Variants in RWDD3 observed in about 807,000 individuals in gnomAD.
RWDD3 encodes RWD domain containing 3, also known as RWD domain-containing protein 3.
In RWDD3, 30 loss-of-function variants were observed where a neutral mutation model predicts 26.5. That is an observed-to-expected ratio of 1.13 (90% CI 0.85 to 1.54). The LOEUF (loss-of-function observed/expected upper bound fraction) is 1.54, where lower values mean the gene tolerates loss of function less well. Among genes scored for constraint, RWDD3 ranks in the 40% most tolerant of loss-of-function variants. The pLI is 0.00. For missense variants in RWDD3, 296 were observed against 309.1 expected, an observed-to-expected ratio of 0.96 and a Z score of 0.32; for synonymous variants, 113 against 114.5, an observed-to-expected ratio of 0.99 and a Z score of 0.09.
chr1:95,234,811 A>G (rs1029362377), intron 1 of RWDD3, among the ~76,000 whole-genome samples: 4 of 151,974 alleles, frequency 2.6e-5, no homozygotes, highest in Non-Finnish European at 5.9e-5. Context: ...GTAGTAGGTA[A>G]ATGTTTGTTG....
Position 95,246,612 on chromosome 1 carries a change from T to C in RWDD3, c.644T>C (p.Met215Thr). The C allele has an allele frequency of 6.2e-7, 1 of 1,612,628 alleles. No homozygotes were observed. The highest frequency in any genetic ancestry group is 2.2e-5 in the East Asian group (1 of 44,744). Residue 215 changes from methionine (M) to threonine (T), a missense_variant, in exon 3 of 4, where the codon ATG (methionine) becomes ACG (threonine). Coordinates refer to ENST00000370202, the MANE Select transcript of RWDD3 (RefSeq NM_015485.5). ...AGTGGAAAGAAATGCAAAGAGAAAATGATTAGTGTACTGTTTGAAACAAAA... is the reference window on the plus strand; with the variant it reads ...AGTGGAAAGAAATGCAAAGAGAAAACGATTAGTGTACTGTTTGAAACAAAA... The part of the protein sequence containing the change: ...DSSGKKCKEK[M>T]ISVLFETKVQ...
chr1:95,234,429 C>G, intron 1 of RWDD3, 114 bp downstream of exon 1: 1 of 959,228 alleles, frequency 1.0e-6, no homozygotes. Context: ...CGTATGGGGA[C>G]CGGGTTAGTT....
At chr1:95,245,368 CTG>C (rs1295511298) in intron 2 of RWDD3, among the ~76,000 whole-genome samples, 1 of 152,092 alleles carries the variant, frequency 6.6e-6, no homozygotes, top group African/African-American at 2.4e-5. Flanking sequence ...ATGAGGAAAA[CTG>C]TTTTTTATAT....
At chr1:95,237,707 GGTGCCAGA>G in intron 1 of RWDD3, among the ~76,000 whole-genome samples, 1 of 152,274 alleles carries the variant, frequency 6.6e-6, no homozygotes, top group Non-Finnish European at 1.5e-5. Flanking sequence ...AGTCAGTCCA[GGTGCCAGA>G]TTTGATGGGG....
chr1:95,236,332 GAA>G (rs34943862), intron 1 of RWDD3, among the ~76,000 whole-genome samples: 3 of 142,072 alleles, frequency 2.1e-5, no homozygotes, highest in African/African-American at 7.9e-5. Context: ...CTCTGTCTCA[GAA>G]AAAAAAAAAA....
At chr1:95,236,896 A>G (rs2101096808) in intron 1 of RWDD3, among the ~76,000 whole-genome samples, 1 of 152,342 alleles carries the variant, frequency 6.6e-6, no homozygotes, top group East Asian at 1.9e-4. Context: ...GAGAAAACCC[A>G]AAAATGTAAG....
intron 2 of RWDD3, among the ~76,000 whole-genome samples, chr1:95,245,465 A>G (rs1482510004): frequency 6.6e-6 from 1 of 152,224 alleles, no homozygotes; most frequent in Non-Finnish European, 1.5e-5. Flanking sequence ...GAATTTATTT[A>G]AGACAAATTT....
chr1:95,239,155 G>A (rs1680497677), intron 1 of RWDD3, among the ~76,000 whole-genome samples: 1 of 152,154 alleles, frequency 6.6e-6, no homozygotes, highest in Middle Eastern at 3.2e-3. Context: ...TGTTGAGAAT[G>A]ATCAGTTTGT....
At chr1:95,235,765 C>A (rs978091881) in intron 1 of RWDD3, among the ~76,000 whole-genome samples, 1 of 151,930 alleles carries the variant, frequency 6.6e-6, no homozygotes, top group African/African-American at 2.4e-5. Flanking sequence ...TCAGAGACAC[C>A]GCTACCCATG....
intron 1 of RWDD3, among the ~76,000 whole-genome samples, chr1:95,234,769 T>A (rs903337453): frequency 6.0e-4 from 91 of 151,924 alleles, no homozygotes; most frequent in African/African-American, 1.9e-3. Flanking sequence ...GAGGGCAGGG[T>A]CTGTTTGGTA....
At chr1:95,239,192 G>C (rs1557719675) in intron 1 of RWDD3, among the ~76,000 whole-genome samples, 1 of 152,124 alleles carries the variant, frequency 6.6e-6, no homozygotes, top group Non-Finnish European at 1.5e-5. Flanking sequence ...CTAAGGTTCT[G>C]GGGGGCTAAG....
chr1:95,235,610 G>A (rs1018601552), intron 1 of RWDD3, among the ~76,000 whole-genome samples: 3 of 151,750 alleles, frequency 2.0e-5, no homozygotes, highest in South Asian at 4.2e-4. Flanking sequence ...CGCGCGTCTC[G>A]GCCTCCCAAG....
chr1:95,244,156 G>A (rs1680746875), intron 1 of RWDD3, 55 bp from the exon 2 acceptor site: 2 of 1,556,864 alleles, frequency 1.3e-6, no homozygotes, highest in Non-Finnish European at 1.7e-6. Flanking sequence ...ACTTGCTGGT[G>A]TTCCATTCAA....
intron 1 of RWDD3, among the ~76,000 whole-genome samples, chr1:95,239,376 TG>T (rs1401164435): frequency 2.6e-5 from 4 of 152,330 alleles, no homozygotes; most frequent in Admixed American, 6.5e-5. Flanking sequence ...TGAAAAATTC[TG>T]AGGCAGAAAG....
intron 2 of RWDD3, chr1:95,246,069 T>G (rs924912263): frequency 1.3e-5 from 2 of 152,500 alleles, no homozygotes; most frequent in Non-Finnish European, 2.9e-5. Context: ...TGGTAAGTGC[T>G]GTGTGCCTGG....
At chr1:95,239,445 C>T (rs1022801419) in intron 1 of RWDD3, among the ~76,000 whole-genome samples, 1 of 152,162 alleles carries the variant, frequency 6.6e-6, no homozygotes, top group Non-Finnish European at 1.5e-5. Flanking sequence ...GAGTACAATA[C>T]ATACTTCTAG....
chr1:95,244,850 T>A, intron 2 of RWDD3, 152 bp downstream of exon 2: 1 of 885,662 alleles, frequency 1.1e-6, no homozygotes, highest in Non-Finnish European at 1.6e-6. Flanking sequence ...CTTTTCTTTT[T>A]AAAGAATGTC....
intron 1 of RWDD3, among the ~76,000 whole-genome samples, chr1:95,240,498 A>C (rs1680569304): frequency 6.6e-6 from 1 of 152,126 alleles, no homozygotes. Flanking sequence ...AACTGGACAA[A>C]ATTTTAGTAG....
At chr1:95,243,616 C>G (rs1177440728) in intron 1 of RWDD3, 1 of 152,466 alleles carries the variant, frequency 6.6e-6, no homozygotes, top group African/African-American at 2.4e-5. Context: ...GATGTCCACT[C>G]AATTTCAGTT....
Sources: gnomAD v4.1 joint callset for allele counts (sites outside exome capture counted in the v4.1 genomes callset) on GRCh38, gnomAD v4.1.1 for gene constraint, MANE v1.5 for transcripts, NCBI Gene and HGNC (gene_info 2026-07-23, HGNC 2026-07-21) for gene names.